The following RELN variants were observed in gnomAD, a reference collection of about 807,000 sequenced individuals.
The protein encoded by RELN is reelin.
RELN carries 108 observed loss-of-function variants against 427.6 expected under a neutral mutation model. That is an observed-to-expected ratio of 0.25 (90% confidence interval 0.22 to 0.30). RELN has a LOEUF of 0.30. Ranked by LOEUF, RELN falls within the 10% of genes least tolerant of loss-of-function variation. The probability of loss-of-function intolerance (pLI) is 1.00; values close to 1 mark genes in which losing one functional copy is unlikely to be tolerated. For missense variants in RELN, 3,715 were observed against 4,302.8 expected (o/e 0.86, Z 3.82); for synonymous variants, 1,524 against 1,513.4 (o/e 1.01, Z -0.16).
intron 12 of RELN, among the ~76,000 whole-genome samples, chr7:103,655,254 G>C (rs1246271539): frequency 6.6e-6 from 1 of 152,018 alleles, no homozygotes; most frequent in Admixed American, 6.6e-5. Context: ...CTGGGACTAT[G>C]GGCATGTATA....
chr7:103,736,774 C>T (rs568073276), intron 6 of RELN, among the ~76,000 whole-genome samples: 3 of 152,182 alleles, frequency 2.0e-5, no homozygotes, highest in African/African-American at 7.2e-5. Context: ...TTGTTTTTGC[C>T]ACCTAAAGCA....
chr7:103,571,923 G>A (rs755218644), intron 31 of RELN, among the ~76,000 whole-genome samples: 5 of 152,094 alleles, frequency 3.3e-5, no homozygotes, highest in Non-Finnish European at 7.3e-5. Context: ...TAGTATAAAG[G>A]AATAGGGTTC....
intron 1 of RELN, among the ~76,000 whole-genome samples, chr7:103,972,929 TTAGA>T (rs941632414): frequency 1.4e-5 from 2 of 147,474 alleles, no homozygotes; most frequent in Non-Finnish European, 3.0e-5. Context: ...TGCTACAAGA[TTAGA>T]TAGAAAAACT....
chr7:103,630,187 A>G lies in RELN; in HGVS notation c.2466-11T>C. Reference sequence around the variant, plus strand: ...TCTACGGAGATTATTCTAGAGAAAAAAAAAAAGTCAAAATTTAGATTATTT... The same window carrying G: ...TCTACGGAGATTATTCTAGAGAAAAGAAAAAAGTCAAAATTTAGATTATTT... On this transcript the variant is annotated splice_polypyrimidine_tract_variant and intron_variant, in intron 19 of 64. Coordinates refer to ENST00000428762, the MANE Select transcript of RELN (RefSeq NM_005045.4). The G allele has an allele frequency of 6.4e-7, 1 of 1,564,634 alleles. No individual in the cohort carries two copies. The highest frequency in any genetic ancestry group is 1.3e-5 in the African/African-American group (1 of 74,114).
rs547905979 is a variant in RELN at position 103,743,151 on chromosome 7, C to A, written c.656+6275G>T. On this transcript the variant is annotated intron_variant, in intron 6 of 64. Coordinates refer to ENST00000428762, the MANE Select transcript of RELN (RefSeq NM_005045.4). ...GAATTTTCAACCCAGAATTTCATAT[C>A]CAGCCAAACTAAGCTTCATAAGTGA... Among the ~76,000 whole-genome samples the A allele has an allele frequency of 7.8e-3, 1,191 of 151,816 alleles. 8 individuals carry two copies. Among genetic ancestry groups the A allele is most frequent in the Middle Eastern group, 0.031 (9 of 294 alleles).
intron 57 of RELN, among the ~76,000 whole-genome samples, chr7:103,493,833 A>T (rs1175158053): frequency 2.0e-5 from 3 of 152,126 alleles, no homozygotes; most frequent in East Asian, 3.9e-4. Flanking sequence ...AAAACTGTTG[A>T]TATTGGGTAC....
intron 19 of RELN, among the ~76,000 whole-genome samples, chr7:103,634,192 A>AGG (rs1832530069): frequency 6.6e-6 from 1 of 152,052 alleles, no homozygotes; most frequent in Non-Finnish European, 1.5e-5. Context: ...TCTTTTTTCC[A>AGG]GGGTGCCAAT....
At chr7:103,628,613 A>G (rs1043015033) in intron 20 of RELN, among the ~76,000 whole-genome samples, 17 of 152,190 alleles carry the variant, frequency 1.1e-4, no homozygotes, top group Admixed American at 3.9e-4. Context: ...TTTCTGTACA[A>G]TAGTGTGTAA....
chr7:103,908,168 G>A (rs1795260118), intron 2 of RELN, among the ~76,000 whole-genome samples: 1 of 152,082 alleles, frequency 6.6e-6, no homozygotes, highest in Non-Finnish European at 1.5e-5. Context: ...CCAGGCTCTA[G>A]GGGAGGTCCA....
chr7:103,584,304 GTTGCCTACAATAGACCCACTTAAT>G (rs747192210), intron 28 of RELN, among the ~76,000 whole-genome samples: 1 of 152,188 alleles, frequency 6.6e-6, no homozygotes. Flanking sequence ...CCAATTATTT[GTTGCCTACAATAGACCCACTTAAT>G]GGGTAAAGAC....
Position 103,498,121 on chromosome 7 carries a change from A to G in RELN, c.8799T>C (p.Thr2933=), listed in dbSNP as rs1255032873. 16 of 1,614,052 alleles carry G rather than the reference A, an allele frequency of 9.9e-6. No homozygotes were observed. Among genetic ancestry groups the G allele is most frequent in the African/African-American group, 1.3e-5 (1 of 74,932 alleles). The change falls in exon 54 of 65, where the codon ACT becomes ACC. Residue 2933 remains threonine (T), a synonymous_variant. Coordinates refer to ENST00000428762, the MANE Select transcript of RELN (RefSeq NM_005045.4). ...AATCTTGTGTAACCGCTTGTCTCAC[A>G]GTGGATCCCCCAAAATAGAGTGCAG... ...EDTALYFGGS[T]VRQAVTQDLD... is the part of the protein sequence containing the mutation.
At chr7:103,896,594 G>T (rs1382702729) in intron 2 of RELN, among the ~76,000 whole-genome samples, 1 of 152,060 alleles carries the variant, frequency 6.6e-6, no homozygotes, top group Non-Finnish European at 1.5e-5. Flanking sequence ...TTGCCTCTGG[G>T]TAGTGGGGTG....
rs142230984 is a variant in RELN, at chr7:103,736,575, C to T, written c.657-8368G>A. Reference sequence around the variant, plus strand: ...TATTTCTCTAGGGAGTTAAAAAATTCGATCTCGTCTTCATTAACAGGTACG... The same window carrying T: ...TATTTCTCTAGGGAGTTAAAAAATTTGATCTCGTCTTCATTAACAGGTACG... On this transcript the variant is annotated intron_variant, in intron 6 of 64. Transcript: ENST00000428762. Among the ~76,000 whole-genome samples, 470 of 152,198 alleles carry T rather than the reference C, an allele frequency of 3.1e-3. 1 individual carries two copies. Among genetic ancestry groups the T allele is most frequent in the African/African-American group, 0.011 (449 of 41,538 alleles).
chr7:103,882,599 T>C (rs1242817544), intron 2 of RELN, among the ~76,000 whole-genome samples: 2 of 151,914 alleles, frequency 1.3e-5, no homozygotes, highest in African/African-American at 4.8e-5. Context: ...AAAAAAATGA[T>C]AAAGGAGAGA....
At chr7:103,869,004 T>C (rs1030159572) in intron 2 of RELN, among the ~76,000 whole-genome samples, 3 of 152,124 alleles carry the variant, frequency 2.0e-5, no homozygotes, top group African/African-American at 7.2e-5. Context: ...TTTGAAAATA[T>C]ATGCCTTTTA....
chr7:103,682,044 T>C (rs1833663745), intron 11 of RELN, 72 bp downstream of exon 11: 5 of 1,404,784 alleles, frequency 3.6e-6, no homozygotes, highest in Non-Finnish European at 2.0e-6. Flanking sequence ...TTTAACAATA[T>C]GCATTTAAAA....
chr7:103,777,023 G>A (rs1791761193), intron 3 of RELN, among the ~76,000 whole-genome samples: 1 of 152,022 alleles, frequency 6.6e-6, no homozygotes, highest in African/African-American at 2.4e-5. Context: ...CTTTTTTTCT[G>A]AAATCAATAG....
Position 103,553,577 on chromosome 7 carries a change from A to G in RELN, c.5970-14T>C. 5 of 1,613,850 alleles carry G rather than the reference A, an allele frequency of 3.1e-6. No individual in the cohort carries two copies. Among genetic ancestry groups the G allele is most frequent in the Non-Finnish European group, 4.2e-6 (5 of 1,179,758 alleles). The stretch of plus-strand genomic sequence containing the variant: ...GAATCTTCTTCACTGTTACACAGGA[A>G]AACAACCAGGAATCCATTTAGGCAA... On this transcript the variant is annotated splice_polypyrimidine_tract_variant and intron_variant, in intron 39 of 64. Coordinates refer to ENST00000428762, the MANE Select transcript of RELN (RefSeq NM_005045.4).
chr7:103,895,317 C>G (rs1223420429), intron 2 of RELN, among the ~76,000 whole-genome samples: 1 of 151,840 alleles, frequency 6.6e-6, no homozygotes, highest in Non-Finnish European at 1.5e-5. Context: ...AGTGGTAGTT[C>G]AAAGGGTATT....
Sources: gnomAD v4.1 joint callset for allele counts (sites outside exome capture counted in the v4.1 genomes callset) on GRCh38, gnomAD v4.1.1 for gene constraint, MANE v1.5 for transcripts, NCBI Gene and HGNC (gene_info 2026-07-23, HGNC 2026-07-21) for gene names.